JAK3: variants seen among roughly 807,000 people sequenced by gnomAD.
JAK3 encodes the protein tyrosine-protein kinase JAK3.
JAK3 carries 88 observed loss-of-function variants against 120.8 expected under a neutral mutation model. The ratio of observed to expected loss-of-function variants is 0.73; its 90% CI spans 0.61 to 0.87. JAK3 has a LOEUF of 0.87. Among genes scored for constraint, JAK3 ranks in the 40% least tolerant of loss-of-function variants. The pLI is 0.00. For missense variants in JAK3, 1,254 were observed against 1,501.4 expected (o/e 0.84, Z 2.72); for synonymous variants, 592 against 628.6 (o/e 0.94, Z 0.87).
chr19:17,842,566 C>A lies in JAK3; in HGVS notation c.611G>T (p.Gly204Val). The change falls in exon 6 of 24, where the codon GGC becomes GTC. Residue 204 changes from glycine to valine, a missense_variant. Coordinates refer to ENST00000458235, the MANE Select transcript of JAK3 (RefSeq NM_000215.4). This position sits in a 1 kb window ranked among gnomAD's most constrained non-coding sequence, Gnocchi z 6.4. ...LPPSLRDLIQ[G>V]LSFVTRRRIR... is the part of the protein sequence containing the mutation. ...ACGCCTCCGCGTCACGAAGCTCAGGCCCTGGATCAGGTCGCGCAGGCTTGG... is the reference window on the plus strand; with the variant it reads ...ACGCCTCCGCGTCACGAAGCTCAGGACCTGGATCAGGTCGCGCAGGCTTGG... 2 of 1,586,800 alleles carry A rather than the reference C, an allele frequency of 1.3e-6. No individual in the cohort carries two copies. Among genetic ancestry groups the A allele is most frequent in the Non-Finnish European group, 1.7e-6 (2 of 1,166,894 alleles).
At chr19:17,826,942 GC>G in intron 23 of JAK3, 32 bp from the exon 24 acceptor site, 1 of 1,598,146 alleles carries the variant, frequency 6.3e-7, no homozygotes. Context: ...ATGGGGTCGT[GC>G]CTGAGCAGTC....
chr19:17,829,753 A>G (rs1478272697), intron 23 of JAK3: 1 of 439,824 alleles, frequency 2.3e-6, no homozygotes, highest in Non-Finnish European at 4.1e-6. Flanking sequence ...CCCCATCTAT[A>G]AAAAAGAAAG....
rs757910571 is a variant in JAK3, at chr19:17,826,905, G to C, written c.3213C>G (p.His1071Gln). ...GGGCCCAGCACAGCTTCATGAGCTC[G>C]TGAACCTGAGGGGCGGGGGACAGAT... ...PAPPACPAEVHELMKLCWAPS... is the reference protein window; with the variant it reads ...PAPPACPAEVQELMKLCWAPS... The change falls in exon 24 of 24, where the codon CAC (histidine) becomes CAG (glutamine). Residue 1071 changes from histidine to glutamine, a missense_variant. This residue lies in a region of JAK3 where 630 missense variants were observed against 819.8 expected (regional missense o/e 0.77). Coordinates refer to ENST00000458235, the MANE Select transcript of JAK3 (RefSeq NM_000215.4). 6.2e-7 allele frequency: 1 copy of C among 1,609,544 alleles called. No individual in the cohort carries two copies. Among genetic ancestry groups the C allele is most frequent in the Non-Finnish European group, 8.5e-7 (1 of 1,179,472 alleles).
At chr19:17,840,523 G>A (rs2094235688) in intron 8 of JAK3, among the ~76,000 whole-genome samples, 182 bp from the exon 9 acceptor site, 1 of 152,068 alleles carries the variant, frequency 6.6e-6, no homozygotes, top group African/African-American at 2.4e-5. Flanking sequence ...CAGCATTTTG[G>A]GAGGCCGAGG....
At chr19:17,835,849 C>A in intron 14 of JAK3, 75 bp downstream of exon 14, 1 of 1,590,788 alleles carries the variant, frequency 6.3e-7, no homozygotes, top group Non-Finnish European at 8.6e-7. Flanking sequence ...CTACAGAGCC[C>A]ACTCCCAATT....
chr19:17,842,291 G>T lies in JAK3; in HGVS notation c.861+25C>A. On this transcript the variant is annotated intron_variant, in intron 6 of 23. Transcript: ENST00000458235. The surrounding 1 kb of genome is among the most constrained non-coding windows in gnomAD (Gnocchi z 6.4). The stretch of plus-strand genomic sequence containing the variant: ...CGAGCCCCGCCCCCACGTTGGCCCC[G>T]CCCAGCGGGGGAGTCCGCCCTCACC... The T allele has an allele frequency of 1.5e-6, 1 of 669,956 alleles. No homozygotes were observed. 41.5% of individuals were successfully genotyped at this position (669,956 alleles called of 1,614,324 possible).
chr19:17,837,301 G>T (rs971133763), intron 12 of JAK3, 88 bp from the exon 13 acceptor site: 2 of 1,008,492 alleles, frequency 2.0e-6, no homozygotes, highest in Non-Finnish European at 3.1e-6. Flanking sequence ...TGCCTTAGGG[G>T]AACACCTGGC....
rs1215516863 is a variant in JAK3 at position 17,831,758 on chromosome 19, G to T, written c.2721C>A (p.Ser907Arg). ...GCTGCAGGAAGTCGCGCAAGCAGCC[G>T]CTGGGCAGGTACTCCATGACCAGCC... Reference protein sequence around the residue: ...SLRLVMEYLPSGCLRDFLQRH... With the variant: ...SLRLVMEYLPRGCLRDFLQRH... Residue 907 changes from serine to arginine, a missense_variant, in exon 20 of 24, where the codon AGC becomes AGA. Physicochemically the swap from Ser to Arg is moderately radical, Grantham distance 110. Transcript: ENST00000458235. The surrounding 1 kb of genome is among the most constrained non-coding windows in gnomAD (Gnocchi z 5.1). 1.2e-6 allele frequency: 2 copies of T among 1,612,658 alleles called. No individual in the cohort carries two copies. The highest frequency in any genetic ancestry group is 1.7e-6 in the Non-Finnish European group (2 of 1,179,830).
chr19:17,831,249 G>A lies in JAK3; in HGVS notation c.2957C>T (p.Pro986Leu). Reference protein sequence around the residue: ...LDKDYYVVREPGQSPIFWYAP... With the variant: ...LDKDYYVVRELGQSPIFWYAP... ...CCACCAGAAAATGGGGCTCTGGCCT[G>A]GCTCGCGGACCACGTAGTAGTCTTT... Residue 986 changes from proline (P) to leucine (L), a missense_variant, in exon 21 of 24, where the codon CCA becomes CTA. This residue lies in a region of JAK3 where 630 missense variants were observed against 819.8 expected (regional missense o/e 0.77). Transcript: ENST00000458235. This position sits in a 1 kb window ranked among gnomAD's most constrained non-coding sequence, Gnocchi z 5.1. 1 of 1,612,396 alleles carries A rather than the reference G, an allele frequency of 6.2e-7. No homozygotes were observed. The highest frequency in any genetic ancestry group is 8.5e-7 in the Non-Finnish European group (1 of 1,179,728).
At chr19:17,847,047 G>A (rs113828216) in intron 1 of JAK3, among the ~76,000 whole-genome samples, 3,559 of 151,968 alleles carry the variant, frequency 0.023, 125 homozygotes, top group African/African-American at 0.081. Flanking sequence ...ACAGGCACCC[G>A]CCACCAAACC....
chr19:17,845,664 C>A (rs1010125157), intron 1 of JAK3, among the ~76,000 whole-genome samples: 2 of 152,044 alleles, frequency 1.3e-5, no homozygotes, highest in Non-Finnish European at 2.9e-5. Flanking sequence ...CAGGAGGATG[C>A]CTTCAGCTCT....
intron 23 of JAK3, among the ~76,000 whole-genome samples, chr19:17,827,620 T>C (rs1357683129): frequency 1.3e-5 from 2 of 149,326 alleles, no homozygotes; most frequent in Non-Finnish European, 3.0e-5. Context: ...GGGCTGGGAT[T>C]ACAGGTGTGA....
rs1162727651 is a variant in JAK3, at chr19:17,831,210, T to C, written c.2978+18A>G. ...AGCCGTGGGGAATAGGGGCGGAGCC[T>C]AGGCGCGGGTTCCCCACCAGAAAAT... On this transcript the variant is annotated intron_variant, in intron 21 of 23. Transcript: ENST00000458235. This position sits in a 1 kb window ranked among gnomAD's most constrained non-coding sequence, Gnocchi z 5.1. 6.2e-7 allele frequency: 1 copy of C among 1,609,806 alleles called. No individual in the cohort carries two copies. Among genetic ancestry groups the C allele is most frequent in the Admixed American group, 1.7e-5 (1 of 59,948 alleles).
rs1239764023 is a variant in JAK3, at chr19:17,831,934, A to G, written c.2681-136T>C. 22 of 1,025,818 alleles carry G rather than the reference A, an allele frequency of 2.1e-5. No individual in the cohort carries two copies. In the East Asian group the frequency reaches 5.4e-4, roughly 25 times the overall value. 63.5% of individuals were successfully genotyped at this position (1,025,818 alleles called of 1,614,324 possible). ...GTAATATGGGAACCGCAACAATGAC[A>G]CATTGCTAATATCTCTTGAGTACTT... On this transcript the variant is annotated intron_variant, in intron 19 of 23. Transcript: ENST00000458235. This position sits in a 1 kb window ranked among gnomAD's most constrained non-coding sequence, Gnocchi z 5.1.
At chr19:17,839,710 T>A in intron 9 of JAK3, 47 bp from the exon 10 acceptor site, 2 of 1,266,668 alleles carry the variant, frequency 1.6e-6, no homozygotes, top group Non-Finnish European at 2.2e-6. Context: ...ACAGACACTC[T>A]CCTTCTCAGT....
At chr19:17,838,185 T>A in intron 11 of JAK3, 78 bp downstream of exon 11, 1 of 1,612,018 alleles carries the variant, frequency 6.2e-7, no homozygotes, top group Admixed American at 1.7e-5. Context: ...GGTAAAATTA[T>A]AGCATATGCC....
intron 13 of JAK3, 91 bp from the exon 14 acceptor site, chr19:17,836,142 C>T: frequency 6.8e-7 from 1 of 1,462,960 alleles, no homozygotes; most frequent in Non-Finnish European, 9.5e-7. Context: ...CAGGGTCTCT[C>T]AAACTCTCAT....
intron 11 of JAK3, 45 bp from the exon 12 acceptor site, chr19:17,838,108 T>C (rs983490921): frequency 2.5e-6 from 4 of 1,613,700 alleles, no homozygotes; most frequent in Non-Finnish European, 3.4e-6. Flanking sequence ...AGGGGGTTCC[T>C]GCAGGATCCC....
At chr19:17,839,438 C>G in intron 10 of JAK3, 39 bp downstream of exon 10, 4 of 1,539,822 alleles carry the variant, frequency 2.6e-6, no homozygotes, top group Non-Finnish European at 2.6e-6. Context: ...AGCCAGGGTC[C>G]CAGATCAGCC....
Sources: gnomAD v4.1 joint callset for allele counts (sites outside exome capture counted in the v4.1 genomes callset) on GRCh38, gnomAD v4.1.1 for gene constraint, gnomAD v4.1.1 regional missense constraint, Gnocchi (gnomAD v3.1) non-coding constraint, MANE v1.5 for transcripts, NCBI Gene and HGNC (gene_info 2026-07-23, HGNC 2026-07-21) for gene names.